The following DTNA variants were observed in gnomAD, a reference collection of about 807,000 sequenced individuals.
DTNA encodes dystrobrevin alpha, also known as dystrophin-related protein 3.
Under a neutral mutation model 100.7 loss-of-function variants are expected in DTNA, and 43 were observed. That is an observed-to-expected ratio of 0.43 (90% CI 0.33 to 0.55). The LOEUF (loss-of-function observed/expected upper bound fraction) is 0.55. Among genes scored for constraint, DTNA ranks in the 20% least tolerant of loss-of-function variants. DTNA has a pLI of 0.04. For missense variants in DTNA, 798 were observed against 953.9 expected (o/e 0.84, Z 2.15); for synonymous variants, 349 against 347.9 (o/e 1.00, Z -0.04).
chr18:34,823,006 A>C (rs1229274081), intron 9 of DTNA, among the ~76,000 whole-genome samples: 2 of 152,248 alleles, frequency 1.3e-5, no homozygotes, highest in African/African-American at 4.8e-5. Flanking sequence ...CATACAAGAC[A>C]TTCTGGATGT....
At chr18:34,802,314 CAT>C (rs2095244165) in intron 4 of DTNA, among the ~76,000 whole-genome samples, 1 of 152,202 alleles carries the variant, frequency 6.6e-6, no homozygotes, top group Non-Finnish European at 1.5e-5. Context: ...TTGCCAGAGA[CAT>C]AGTCATTTTG....
chr18:34,599,723 C>T (rs1469385556), intron 1 of DTNA, among the ~76,000 whole-genome samples: 2 of 152,084 alleles, frequency 1.3e-5, no homozygotes, highest in Non-Finnish European at 2.9e-5. Context: ...CTTGCTCTGT[C>T]GCCCAGGCTA....
At chr18:34,860,153 T>A (rs181869061) in intron 16 of DTNA, among the ~76,000 whole-genome samples, 14 of 151,726 alleles carry the variant, frequency 9.2e-5, no homozygotes, top group African/African-American at 3.4e-4. Flanking sequence ...GTTAAAGCAA[T>A]TCTCTGCCTC....
chr18:34,808,677 T>C (rs2095421619), intron 5 of DTNA, among the ~76,000 whole-genome samples: 1 of 152,200 alleles, frequency 6.6e-6, no homozygotes, highest in African/African-American at 2.4e-5. Context: ...AGTTCTCTCT[T>C]GGGCCCAGGA....
chr18:34,873,506 G>A (rs1026794641), intron 17 of DTNA, among the ~76,000 whole-genome samples: 11 of 152,182 alleles, frequency 7.2e-5, no homozygotes, highest in African/African-American at 2.2e-4. Context: ...GCCAGCCATG[G>A]CCAGCAAGGC....
At chr18:34,726,563 C>G (rs2086737925) in intron 1 of DTNA, among the ~76,000 whole-genome samples, 2 of 152,148 alleles carry the variant, frequency 1.3e-5, no homozygotes, top group African/African-American at 4.8e-5. Flanking sequence ...AGTAAGAGGC[C>G]CCATGCAAGT....
At chr18:34,795,222 G>A (rs967191633) in intron 4 of DTNA, among the ~76,000 whole-genome samples, 5 of 152,112 alleles carry the variant, frequency 3.3e-5, no homozygotes, top group Non-Finnish European at 4.4e-5. Flanking sequence ...ATTTACCCCC[G>A]CAGTGGAGAT....
chr18:34,527,959 T>G (rs571852380), intron 1 of DTNA, among the ~76,000 whole-genome samples: 22 of 152,250 alleles, frequency 1.4e-4, no homozygotes, highest in African/African-American at 5.3e-4. Context: ...TGCCCAGCCT[T>G]TAGTAAAGGA....
chr18:34,684,326 G>A (rs189122127), intron 1 of DTNA, among the ~76,000 whole-genome samples: 324 of 152,198 alleles, frequency 2.1e-3, no homozygotes, highest in African/African-American at 7.6e-3. Flanking sequence ...AAGCCCTGGT[G>A]TGTGATGTTC....
At chr18:34,790,596 G>T (rs1410374064) in intron 3 of DTNA, among the ~76,000 whole-genome samples, 1 of 125,172 alleles carries the variant, frequency 8.0e-6, no homozygotes, top group African/African-American at 3.4e-5. Context: ...TTTTGAGACG[G>T]AGTCTCGCTC....
intron 1 of DTNA, among the ~76,000 whole-genome samples, chr18:34,668,169 G>C (rs1267577728): frequency 6.6e-6 from 1 of 152,072 alleles, no homozygotes; most frequent in Non-Finnish European, 1.5e-5. Context: ...TGTATGTGTT[G>C]AGGAATTTAT....
rs187691660 is a variant in DTNA, at chr18:34,570,288, G to T, written c.-2+76774G>T. 2.6e-5 allele frequency among the ~76,000 whole-genome samples: 4 copies of T among 152,280 alleles called. No homozygotes were observed. The South Asian group carries it at 8.3e-4, about 32-fold the overall frequency. ...TGCATTGTAGGCACTCAATAAAAGTGATGGATAAATGAGGTAATAAGTTGC... is the reference window on the plus strand; with the variant it reads ...TGCATTGTAGGCACTCAATAAAAGTTATGGATAAATGAGGTAATAAGTTGC... On this transcript the variant is annotated intron_variant, in intron 1 of 19. Coordinates refer to the DTNA transcript ENST00000283365.
intron 5 of DTNA, among the ~76,000 whole-genome samples, chr18:34,807,684 G>A (rs566343486): frequency 6.6e-6 from 1 of 152,214 alleles, no homozygotes; most frequent in African/African-American, 2.4e-5. Context: ...CCTCCATGGA[G>A]AGCCAAAGAC....
chr18:34,525,103 G>A (rs2145332909), intron 1 of DTNA, among the ~76,000 whole-genome samples: 1 of 152,212 alleles, frequency 6.6e-6, no homozygotes, highest in Non-Finnish European at 1.5e-5. Context: ...AGTACATATA[G>A]AAGTGATCAT....
In DTNA at chr18:34,768,231, G is replaced by A. The variant is rs568458024; in HGVS notation, c.148+2190G>A. 2.4e-4 allele frequency among the ~76,000 whole-genome samples: 36 copies of A among 152,130 alleles called. 1 individual carries two copies. In the East Asian group the frequency reaches 5.4e-3, roughly 23 times the overall value. ...TGTCCTCCTTAGAGCTTTGCCAAGC[G>A]GAGCCTTCCTTAGGCTCCTTTCAGG... On this transcript the variant is annotated intron_variant, in intron 3 of 22. Transcript: ENST00000444659.
At chr18:34,641,432 G>A (rs1427313816) in intron 1 of DTNA, among the ~76,000 whole-genome samples, 3 of 152,172 alleles carry the variant, frequency 2.0e-5, no homozygotes, top group East Asian at 1.9e-4. Context: ...GACTTATTCC[G>A]TTTACCCAGG....
chr18:34,820,716 T>C (rs2095693577), intron 8 of DTNA, 75 bp from the exon 9 acceptor site: 1 of 1,603,036 alleles, frequency 6.2e-7, no homozygotes, highest in Non-Finnish European at 8.5e-7. Context: ...ATATCTATTA[T>C]GAAAAGCAAA....
chr18:34,507,423 A>T (rs1008198507), intron 1 of DTNA, among the ~76,000 whole-genome samples: 1 of 152,164 alleles, frequency 6.6e-6, no homozygotes, highest in East Asian at 1.9e-4. Context: ...ATTATTATTA[A>T]TTTCTTTTGA....
chr18:34,777,639 G>T (rs1316412806), intron 3 of DTNA, among the ~76,000 whole-genome samples: 3 of 152,196 alleles, frequency 2.0e-5, no homozygotes, highest in Admixed American at 1.3e-4. Flanking sequence ...AGGTGAAGGA[G>T]AAGCAAGTAC....
Sources: allele counts gnomAD v4.1 joint callset (sites outside exome capture counted in the v4.1 genomes callset), GRCh38; gene constraint gnomAD v4.1.1; transcripts MANE v1.5; gene names NCBI Gene and HGNC (gene_info 2026-07-23, HGNC 2026-07-21).